TXNRD1: variants seen among roughly 807,000 people sequenced by gnomAD.
TXNRD1 encodes thioredoxin reductase 1, cytoplasmic.
In TXNRD1, 57 loss-of-function variants were observed where a neutral mutation model predicts 80.3. That is an observed-to-expected ratio of 0.71 (90% CI 0.57 to 0.89). TXNRD1 has a LOEUF of 0.89. Ranked by LOEUF, TXNRD1 falls within the 40% of genes least tolerant of loss-of-function variation. The pLI, the probability that TXNRD1 is intolerant of heterozygous loss-of-function variation, is 0.00. For missense variants in TXNRD1, 730 were observed against 803.0 expected (o/e 0.91, Z 1.10); for synonymous variants, 291 against 285.2 (o/e 1.02, Z -0.20).
At chr12:104,243,612 G>C (rs1458744323) in intron 1 of TXNRD1, among the ~76,000 whole-genome samples, 1 of 152,182 alleles carries the variant, frequency 6.6e-6, no homozygotes, top group East Asian at 1.9e-4. Context: ...TTTGTTAAGA[G>C]GTCTGGGGTT....
intron 16 of TXNRD1, chr12:104,345,923 A>T: frequency 7.8e-7 from 1 of 1,274,210 alleles, no homozygotes; most frequent in Non-Finnish European, 1.0e-6. Flanking sequence ...AAGGGCATGG[A>T]GGCTGCCCCT....
chr12:104,254,889 G>C (rs1047284484), intron 2 of TXNRD1, among the ~76,000 whole-genome samples: 20 of 151,664 alleles, frequency 1.3e-4, no homozygotes, highest in Non-Finnish European at 2.5e-4. Flanking sequence ...CAGATCACTT[G>C]AGGCCAGGAG....
chr12:104,278,887 T>C (rs1293704916), intron 3 of TXNRD1, among the ~76,000 whole-genome samples: 1 of 152,228 alleles, frequency 6.6e-6, no homozygotes, highest in Non-Finnish European at 1.5e-5. Flanking sequence ...TTTTCTCCTT[T>C]TCTCTGTGAA....
At chr12:104,267,241 CTCTT>C (rs58393490) in intron 3 of TXNRD1, among the ~76,000 whole-genome samples, 68 of 85,794 alleles carry the variant, frequency 7.9e-4, no homozygotes, top group South Asian at 6.5e-3. Flanking sequence ...ATTTTCTTTT[CTCTT>C]TCTTTCTTTC....
chr12:104,331,034 ATATATC>A (rs1410312783), intron 13 of TXNRD1, among the ~76,000 whole-genome samples: 2 of 151,900 alleles, frequency 1.3e-5, no homozygotes, highest in Non-Finnish European at 2.9e-5. Context: ...ATATCGTACT[ATATATC>A]TATATGTTAA....
rs187603057 is a variant in TXNRD1 at position 104,248,338 on chromosome 12, G to A, written c.92-3189G>A. ...CTCACTCTGTTGCCCAGGCTGGAGT[G>A]CAGTGGTGCGATCTTGGCTCACTGC... On this transcript the variant is annotated intron_variant, in intron 1 of 16. Transcript: ENST00000525566. Among the ~76,000 whole-genome samples, 83 of 152,280 alleles carry A rather than the reference G, an allele frequency of 5.5e-4. 1 individual carries two copies. In the East Asian group the frequency reaches 0.014, roughly 25 times the overall value.
chr12:104,276,408 G>A (rs778935563), intron 3 of TXNRD1, among the ~76,000 whole-genome samples: 24 of 152,320 alleles, frequency 1.6e-4, no homozygotes, highest in Admixed American at 5.2e-4. Flanking sequence ...GAGCTGGCTC[G>A]TACCAGCTCA....
At position 104,265,264 on chromosome 12, in the gene TXNRD1, A is replaced by C. The variant is rs547269865; in HGVS notation, c.304+7185A>C. 39 of 1,516,984 alleles carry C rather than the reference A, an allele frequency of 2.6e-5. No homozygotes were observed. In the East Asian group the frequency reaches 7.7e-4, roughly 30 times the overall value. 94.0% of individuals were successfully genotyped at this position (1,516,984 alleles called of 1,614,324 possible). ...AGACTCCGTCTTAAAAAAAAAAAAA[A>C]AAAAACTTCCTTTTGCGGGTGGCGG... On this transcript the variant is annotated intron_variant, in intron 3 of 16. Transcript: ENST00000525566.
intron 1 of TXNRD1, among the ~76,000 whole-genome samples, chr12:104,230,521 G>A (rs112234966): frequency 0.014 from 2,074 of 152,286 alleles, 35 homozygotes; most frequent in South Asian, 0.073. Context: ...TCCTAGTGGT[G>A]TGAAGTGGTA....
At chr12:104,249,037 C>T (rs965437632) in intron 1 of TXNRD1, among the ~76,000 whole-genome samples, 1 of 152,164 alleles carries the variant, frequency 6.6e-6, no homozygotes, top group Non-Finnish European at 1.5e-5. Context: ...AAGAAGAACC[C>T]ACTTCTCATT....
chr12:104,304,012 GCTC>G, intron 4 of TXNRD1: 1 of 1,611,836 alleles, frequency 6.2e-7, no homozygotes, highest in Non-Finnish European at 8.5e-7. Context: ...TAGACCCAAA[GCTC>G]CTGGAGCTCA....
intron 1 of TXNRD1, among the ~76,000 whole-genome samples, chr12:104,232,113 A>T (rs903409915): frequency 5.3e-5 from 8 of 152,190 alleles, no homozygotes; most frequent in Admixed American, 2.6e-4. Context: ...GGACTTTTGG[A>T]TTGGCTTTGA....
chr12:104,300,906 A>C (rs1389204869), intron 4 of TXNRD1, among the ~76,000 whole-genome samples: 1 of 152,212 alleles, frequency 6.6e-6, no homozygotes, highest in East Asian at 1.9e-4. Flanking sequence ...TCGGCCTCCC[A>C]AAGTGCTGGG....
intron 4 of TXNRD1, among the ~76,000 whole-genome samples, chr12:104,303,524 G>T (rs58078551): frequency 6.6e-6 from 1 of 152,208 alleles, no homozygotes; most frequent in Non-Finnish European, 1.5e-5. Context: ...TTAAAGTGAG[G>T]TGATCCAGTC....
intron 1 of TXNRD1, among the ~76,000 whole-genome samples, chr12:104,239,139 G>A (rs2032803455): frequency 2.0e-5 from 3 of 151,670 alleles, no homozygotes. Flanking sequence ...TGTGTTAGAC[G>A]TTTGGGAGAA....
chr12:104,258,657 G>C (rs1395764785), intron 3 of TXNRD1, among the ~76,000 whole-genome samples: 1 of 152,208 alleles, frequency 6.6e-6, no homozygotes, highest in Admixed American at 6.5e-5. Flanking sequence ...GCCTGTTGGT[G>C]ACTCATGCCT....
Position 104,246,119 on chromosome 12 carries a change from C to CAAA in TXNRD1, c.92-5392_92-5390dup, listed in dbSNP as rs34505052. Reference sequence around the variant, plus strand: ...TGGGCGATACAGCGAGACTCTGTCTCAAAAAAAAAAAAAAAAAACTTTTCC... The same window carrying CAAA: ...TGGGCGATACAGCGAGACTCTGTCTCAAAAAAAAAAAAAAAAAAAAACTTTTCC... On this transcript the variant is annotated intron_variant, in intron 1 of 16. Coordinates refer to ENST00000525566, the MANE Select transcript of TXNRD1 (RefSeq NM_001093771.3). 3.6e-4 allele frequency among the ~76,000 whole-genome samples: 30 copies of CAAA among 82,852 alleles called. 2 individuals are homozygous for CAAA. Among genetic ancestry groups the CAAA allele is most frequent in the African/African-American group, 1.1e-3 (22 of 20,258 alleles). 54.4% of individuals were successfully genotyped at this position (82,852 alleles called of 152,430 possible). A position where few individuals can be genotyped will look rare whatever the true frequency, so the allele number is the denominator to read the frequency against.
intron 3 of TXNRD1, among the ~76,000 whole-genome samples, chr12:104,266,819 G>A (rs1182922107): frequency 6.6e-6 from 1 of 152,052 alleles, no homozygotes; most frequent in Admixed American, 6.6e-5. Flanking sequence ...AAAATTAGCC[G>A]GGCGTGTTGG....
At chr12:104,305,028 A>G in intron 4 of TXNRD1, 1 of 1,279,514 alleles carries the variant, frequency 7.8e-7, no homozygotes, top group Non-Finnish European at 1.1e-6. Flanking sequence ...TATCTCTTGT[A>G]AAGTGAAAAA....
Sources: allele counts gnomAD v4.1 joint callset (sites outside exome capture counted in the v4.1 genomes callset), GRCh38; gene constraint gnomAD v4.1.1; transcripts MANE v1.5; gene names NCBI Gene and HGNC (gene_info 2026-07-23, HGNC 2026-07-21).